The following FZD6 variants were observed in gnomAD, a reference collection of about 807,000 sequenced individuals.
FZD6 encodes frizzled-6.
FZD6 carries 49 observed loss-of-function variants against 61.4 expected under a neutral mutation model. The observed-to-expected ratio is 0.80, with a 90% CI of 0.63 to 1.01. The LOEUF is 1.01. FZD6 is among the 50% of genes least tolerant of loss of function. The probability of loss-of-function intolerance (pLI) is 0.00; values close to 1 mark genes in which losing one functional copy is unlikely to be tolerated. For synonymous variants in FZD6, 265 were observed against 292.2 expected, an observed-to-expected ratio of 0.91 and a Z score of 0.95; for missense variants, 724 against 848.2, an observed-to-expected ratio of 0.85 and a Z score of 1.82.
chr8:103,325,375 G>C lies in FZD6; in HGVS notation c.1269G>C (p.Leu423Phe), dbSNP rs779823367. 6.2e-7 allele frequency: 1 copy of C among 1,613,970 alleles called. No individual in the cohort carries two copies. Among genetic ancestry groups the C allele is most frequent in the African/African-American group, 1.3e-5 (1 of 75,006 alleles). The change falls in exon 4 of 7, where the codon TTG (leucine) becomes TTC (phenylalanine). Residue 423 changes from leucine to phenylalanine, a missense_variant. Coordinates refer to ENST00000358755, the MANE Select transcript of FZD6 (RefSeq NM_003506.4). Reference protein sequence around the residue: ...FMIRIGVFSGLYLVPLVTLLG... With the variant: ...FMIRIGVFSGFYLVPLVTLLG... ...TTCGAATTGGAGTCTTCAGCGGCTT[G>C]TATCTTGTGCCATTAGTGACACTTC...
chr8:103,316,044 TTTAC>T (rs1814615902), intron 2 of FZD6, among the ~76,000 whole-genome samples: 1 of 152,330 alleles, frequency 6.6e-6, no homozygotes, highest in Non-Finnish European at 1.5e-5. Flanking sequence ...CCCTGCCACT[TTTAC>T]TTCTCCTCCT....
chr8:103,322,734 A>G (rs1174110335), intron 3 of FZD6, among the ~76,000 whole-genome samples: 1 of 152,178 alleles, frequency 6.6e-6, no homozygotes, highest in Non-Finnish European at 1.5e-5. Flanking sequence ...ACCTATGTGG[A>G]ACTTACACAC....
At chr8:103,314,152 C>T (rs1317706124) in intron 2 of FZD6, among the ~76,000 whole-genome samples, 1 of 152,128 alleles carries the variant, frequency 6.6e-6, no homozygotes, top group African/African-American at 2.4e-5. Flanking sequence ...CTTGTGTTTT[C>T]CATGTAAGAA....
chr8:103,299,517 C>T (rs1311504323), intron 1 of FZD6, among the ~76,000 whole-genome samples: 1 of 152,208 alleles, frequency 6.6e-6, no homozygotes, highest in Non-Finnish European at 1.5e-5. Context: ...AAGACTGCCA[C>T]AAAAACTGAC....
At chr8:103,302,955 C>T (rs1467629437) in intron 2 of FZD6, among the ~76,000 whole-genome samples, 1 of 152,162 alleles carries the variant, frequency 6.6e-6, no homozygotes, top group Non-Finnish European at 1.5e-5. Context: ...GAGACTTCAA[C>T]TCAACAAAAC....
At chr8:103,312,433 C>T (rs1220768505) in intron 2 of FZD6, among the ~76,000 whole-genome samples, 3 of 152,146 alleles carry the variant, frequency 2.0e-5, no homozygotes. Flanking sequence ...CAGACTGATG[C>T]GACCAGGTTT....
chr8:103,324,763 T>C lies in FZD6; in HGVS notation c.657T>C (p.Thr219=), dbSNP rs368892362. 8.0e-5 allele frequency: 129 copies of C among 1,613,818 alleles called. No individual in the cohort carries two copies. The Admixed American group carries it at 2.0e-3, about 25-fold the overall frequency. The stretch of plus-strand genomic sequence containing the variant: ...GTGCAACTCTGTTCACATTCCTTAC[T>C]TTTTTAATTGATGTTAGAAGATTCA... ...CLCATLFTFL[T]FLIDVRRFRY... is the part of the protein sequence containing the mutation. Residue 219 remains threonine (T), a synonymous_variant, in exon 4 of 7, where the codon ACT becomes ACC. Transcript: ENST00000358755.
chr8:103,316,427 C>G (rs1814629154), intron 2 of FZD6, among the ~76,000 whole-genome samples: 1 of 152,124 alleles, frequency 6.6e-6, no homozygotes, highest in Non-Finnish European at 1.5e-5. Context: ...GAGAATTTCT[C>G]TTGTCATTCT....
At chr8:103,299,153 C>T (rs1298530806) in intron 1 of FZD6, among the ~76,000 whole-genome samples, 158 bp downstream of exon 1, 1 of 152,160 alleles carries the variant, frequency 6.6e-6, no homozygotes, top group Non-Finnish European at 1.5e-5. Context: ...TGAGTTTCCT[C>T]GGAAGCGGGA....
rs1814880197 is a variant in FZD6, at chr8:103,324,494, G to A, written c.388G>A (p.Asp130Asn). 6.3e-7 allele frequency: 1 copy of A among 1,579,616 alleles called. No homozygotes were observed. Among genetic ancestry groups the A allele is most frequent in the African/African-American group, 1.3e-5 (1 of 74,164 alleles). Reference protein sequence around the residue: ...ELECDRLQYCDETVPVTFDPH... With the variant: ...ELECDRLQYCNETVPVTFDPH... ...TAATCTTTACAGATTACAATACTGT[G>A]ATGAGACTGTTCCTGTAACTTTTGA... The change falls in exon 4 of 7, where the codon GAT becomes AAT. Residue 130 changes from aspartate to asparagine, a missense_variant. Physicochemically the swap from Asp to Asn is conservative, Grantham distance 23. Coordinates refer to ENST00000358755, the MANE Select transcript of FZD6 (RefSeq NM_003506.4).
chr8:103,306,538 C>G (rs996581775), intron 2 of FZD6, among the ~76,000 whole-genome samples: 1 of 112,586 alleles, frequency 8.9e-6, no homozygotes, highest in African/African-American at 3.5e-5. Flanking sequence ...GAGTCTCGTT[C>G]TGTCACCCAG....
intron 2 of FZD6, among the ~76,000 whole-genome samples, chr8:103,305,930 G>C (rs893107552): frequency 1.3e-5 from 2 of 152,190 alleles, no homozygotes; most frequent in South Asian, 4.1e-4. Flanking sequence ...CAAGAATGTG[G>C]CATGTAAATA....
Position 103,300,184 on chromosome 8 carries a change from C to G in FZD6, c.77C>G (p.Pro26Arg). 1 of 1,596,818 alleles carries G rather than the reference C, an allele frequency of 6.3e-7. No homozygotes were observed. Among genetic ancestry groups the G allele is most frequent in the Non-Finnish European group, 8.6e-7 (1 of 1,164,236 alleles). The change falls in exon 2 of 7, where the codon CCA becomes CGA. Residue 26 changes from proline to arginine, a missense_variant. Coordinates refer to ENST00000358755, the MANE Select transcript of FZD6 (RefSeq NM_003506.4). ...GGGCACAGTCTCTTCACCTGTGAAC[C>G]AATTACTGTTCCCAGATGTATGAAA... ...LRGHSLFTCE[P>R]ITVPRCMKMA...
At chr8:103,298,535 G>C (rs1379152674), upstream of FZD6, 1 of 152,198 alleles carries the variant, frequency 6.6e-6, no homozygotes, top group Middle Eastern at 3.2e-3. Flanking sequence ...GGTTCTTTTA[G>C]AGCCAGCGCC....
intron 4 of FZD6, among the ~76,000 whole-genome samples, chr8:103,327,086 C>T (rs528835231): frequency 3.0e-3 from 453 of 152,312 alleles, no homozygotes; most frequent in African/African-American, 0.01. Context: ...GAAGCAATTT[C>T]GCGGTATGTA....
At position 103,332,399 on chromosome 8, in the gene FZD6, GTTTTAAC is replaced by G. The variant is rs1815167866; in HGVS notation, c.*895_*901del. 6.6e-6 allele frequency: 1 copy of G among 151,812 alleles called. No homozygotes were observed. The allele number at this position is 151,812 out of a possible 1,614,324, so 9.4% of individuals were successfully genotyped here. On this transcript the variant is annotated 3_prime_UTR_variant, in exon 7 of 7. Coordinates refer to ENST00000358755, the MANE Select transcript of FZD6 (RefSeq NM_003506.4). ...CCACTTACAGTTGCTTATATTTTTT[GTTTTAAC>G]TTTTGTTTTTTAACATTTAGAATAT...
rs1486421830 is a variant in FZD6 at position 103,330,291 on chromosome 8, G to A, written c.1952+226G>A. 3.3e-5 allele frequency among the ~76,000 whole-genome samples: 5 copies of A among 152,192 alleles called. No individual in the cohort carries two copies. The East Asian group carries it at 9.6e-4, about 29-fold the overall frequency. On this transcript the variant is annotated intron_variant, in intron 6 of 6. Transcript: ENST00000358755. Reference sequence around the variant, plus strand: ...TCAAGTAGGAATGTTCATTTCTGTGGCAATTGTTAAGAGTTCCTTGTACAT... The same window carrying A: ...TCAAGTAGGAATGTTCATTTCTGTGACAATTGTTAAGAGTTCCTTGTACAT...
intron 3 of FZD6, among the ~76,000 whole-genome samples, chr8:103,323,341 G>GATT (rs10653301): frequency 0.43 from 64,804 of 151,522 alleles, 14,507 homozygotes; most frequent in East Asian, 0.62. Context: ...AAAGCTGGTA[G>GATT]TTTTTTTTGT....
At chr8:103,315,498 G>A (rs765695954) in intron 2 of FZD6, among the ~76,000 whole-genome samples, 2 of 152,122 alleles carry the variant, frequency 1.3e-5, no homozygotes, top group Non-Finnish European at 2.9e-5. Flanking sequence ...AGTGAAAGAA[G>A]CCAGACAAAA....
Sources: gnomAD v4.1 joint callset for allele counts (sites outside exome capture counted in the v4.1 genomes callset) on GRCh38, gnomAD v4.1.1 for gene constraint, MANE v1.5 for transcripts, NCBI Gene and HGNC (gene_info 2026-07-23, HGNC 2026-07-21) for gene names.